SHROOM3: variants seen among roughly 807,000 people sequenced by gnomAD.
SHROOM3 encodes protein Shroom3.
Under a neutral mutation model 138.6 loss-of-function variants are expected in SHROOM3, and 47 were observed. The ratio of observed to expected loss-of-function variants is 0.34; its 90% CI spans 0.27 to 0.43. SHROOM3 has a LOEUF of 0.43. Among genes scored for constraint, SHROOM3 ranks in the 20% least tolerant of loss-of-function variants. The pLI, the probability that SHROOM3 is intolerant of heterozygous loss-of-function variation, is 1.00. For synonymous variants in SHROOM3, 1,062 were observed against 1,063.3 expected, an observed-to-expected ratio of 1.00 and a Z score of 0.02; for missense variants, 2,491 against 2,596.5, an observed-to-expected ratio of 0.96 and a Z score of 0.88.
At chr4:76,707,196 T>G (rs1720081104) in intron 2 of SHROOM3, among the ~76,000 whole-genome samples, 3 of 152,208 alleles carry the variant, frequency 2.0e-5, no homozygotes. Context: ...CCCTACCAAA[T>G]CTGGGTTAGT....
At chr4:76,648,869 A>G (rs1735893617) in intron 2 of SHROOM3, among the ~76,000 whole-genome samples, 1 of 152,222 alleles carries the variant, frequency 6.6e-6, no homozygotes, top group Non-Finnish European at 1.5e-5. Context: ...TCTAAAAAGC[A>G]TATGATGGGG....
chr4:76,609,281 GGTAT>G (rs1323060144), intron 2 of SHROOM3, among the ~76,000 whole-genome samples: 1 of 152,026 alleles, frequency 6.6e-6, no homozygotes. Flanking sequence ...AATCTGTTTT[GGTAT>G]GTTTGTTTGT....
intron 3 of SHROOM3, among the ~76,000 whole-genome samples, chr4:76,723,133 C>A (rs1720598756): frequency 6.6e-6 from 1 of 152,068 alleles, no homozygotes; most frequent in African/African-American, 2.4e-5. Flanking sequence ...TCACTTTCTC[C>A]ATTTATCCAA....
intron 2 of SHROOM3, among the ~76,000 whole-genome samples, chr4:76,607,228 G>T (rs1489304379): frequency 6.6e-6 from 1 of 152,024 alleles, no homozygotes; most frequent in East Asian, 1.9e-4. Context: ...ATATTTTGTG[G>T]TCCTTCTGGG....
intron 1 of SHROOM3, among the ~76,000 whole-genome samples, chr4:76,440,972 T>C (rs1020507334): frequency 1.3e-5 from 2 of 152,068 alleles, no homozygotes; most frequent in Admixed American, 6.6e-5. Context: ...CACCAAGACT[T>C]GACTCACTGA....
At chr4:76,490,856 G>T (rs1486228066) in intron 1 of SHROOM3, among the ~76,000 whole-genome samples, 2 of 150,724 alleles carry the variant, frequency 1.3e-5, no homozygotes, top group African/African-American at 4.9e-5. Flanking sequence ...TTTTATGTGG[G>T]AAAGAACTGT....
intron 2 of SHROOM3, among the ~76,000 whole-genome samples, chr4:76,569,176 C>T (rs536797727): frequency 5.3e-5 from 8 of 152,232 alleles, no homozygotes; most frequent in Admixed American, 3.9e-4. Context: ...CAGATCCAAC[C>T]GAGGAGGGTT....
At chr4:76,772,710 A>G (rs1722406001) in intron 10 of SHROOM3, among the ~76,000 whole-genome samples, 2 of 152,180 alleles carry the variant, frequency 1.3e-5, no homozygotes, top group Non-Finnish European at 2.9e-5. Flanking sequence ...TAGCCTGTCA[A>G]ATATGAGGTG....
Position 76,741,591 on chromosome 4 carries a change from A to G in SHROOM3, c.3418A>G (p.Ser1140Gly), listed in dbSNP as rs536838984. ...CGGCCTCGCCTCGGCCTCCAGCTTG[A>G]GCTCACTGCGGGAGCCCAGCCTGCA... Reference protein sequence around the residue: ...GSGLASASSLSSLREPSLQPR... With the variant: ...GSGLASASSLGSLREPSLQPR... Residue 1140 changes from serine to glycine, a missense_variant, in exon 5 of 11, where the codon AGC becomes GGC. Ser to Gly is a moderately conservative substitution (Grantham distance 56, BLOSUM62 0). This residue lies in a region of SHROOM3 where 1,733 missense variants were observed against 1,661.6 expected (regional missense o/e 1.04). Transcript: ENST00000296043. The surrounding 1 kb of genome is among the most constrained non-coding windows in gnomAD (Gnocchi z 6.2). 5 of 1,540,378 alleles carry G rather than the reference A, an allele frequency of 3.2e-6. No individual in the cohort carries two copies. In the East Asian group the frequency reaches 9.7e-5, roughly 30 times the overall value.
intron 2 of SHROOM3, among the ~76,000 whole-genome samples, chr4:76,608,479 C>G (rs753544964): frequency 1.4e-4 from 21 of 152,034 alleles, no homozygotes; most frequent in Non-Finnish European, 2.6e-4. Flanking sequence ...TTGGCCTGGT[C>G]ATTAGATTAT....
intron 1 of SHROOM3, among the ~76,000 whole-genome samples, chr4:76,454,242 C>G (rs1009351115): frequency 6.6e-6 from 1 of 152,188 alleles, no homozygotes; most frequent in Non-Finnish European, 1.5e-5. Context: ...CAGGGTTTCA[C>G]CATATTGGCC....
intron 9 of SHROOM3, among the ~76,000 whole-genome samples, chr4:76,767,871 T>C (rs1193182500): frequency 1.3e-5 from 2 of 152,216 alleles, no homozygotes. Context: ...ACCTTGTTTC[T>C]TTCCACTATT....
chr4:76,671,733 C>A (rs548871743), intron 2 of SHROOM3, among the ~76,000 whole-genome samples: 19 of 152,190 alleles, frequency 1.2e-4, no homozygotes, highest in African/African-American at 4.6e-4. Context: ...GAATGAACAC[C>A]CAGAAAGAAA....
At chr4:76,462,692 C>T (rs1369013688) in intron 1 of SHROOM3, among the ~76,000 whole-genome samples, 3 of 150,444 alleles carry the variant, frequency 2.0e-5, no homozygotes, top group South Asian at 2.1e-4. Context: ...CCCTCTCCCT[C>T]TCTCTCTCCC....
chr4:76,477,212 C>G (rs544815211), intron 1 of SHROOM3, among the ~76,000 whole-genome samples: 5,220 of 152,148 alleles, frequency 0.034, 99 homozygotes, highest in Middle Eastern at 0.065. Context: ...CGTGATCCAC[C>G]CCCCACTCGG....
intron 1 of SHROOM3, among the ~76,000 whole-genome samples, chr4:76,441,393 C>T (rs1730680039): frequency 6.6e-6 from 1 of 152,004 alleles, no homozygotes; most frequent in South Asian, 2.1e-4. Flanking sequence ...GCGCCCAGCC[C>T]CTGAGTTCAA....
intron 1 of SHROOM3, among the ~76,000 whole-genome samples, chr4:76,475,020 C>T (rs950383932): frequency 1.3e-5 from 2 of 152,050 alleles, no homozygotes; most frequent in Non-Finnish European, 2.9e-5. Flanking sequence ...TTCATCTCTG[C>T]GTCTTTCCTA....
At chr4:76,706,248 G>A (rs1006768860) in intron 2 of SHROOM3, among the ~76,000 whole-genome samples, 19 of 152,044 alleles carry the variant, frequency 1.2e-4, no homozygotes, top group African/African-American at 4.1e-4. Flanking sequence ...CCGAGTGGCT[G>A]GGATTACAGG....
chr4:76,447,208 A>G (rs1191571532), intron 1 of SHROOM3, among the ~76,000 whole-genome samples: 1 of 152,190 alleles, frequency 6.6e-6, no homozygotes, highest in Non-Finnish European at 1.5e-5. Context: ...GTCAAAACCC[A>G]GGCAATTTAA....
Sources: gnomAD v4.1 joint callset for allele counts (sites outside exome capture counted in the v4.1 genomes callset) on GRCh38, gnomAD v4.1.1 for gene constraint, gnomAD v4.1.1 regional missense constraint, Gnocchi (gnomAD v3.1) non-coding constraint, MANE v1.5 for transcripts, NCBI Gene and HGNC (gene_info 2026-07-23, HGNC 2026-07-21) for gene names.